The following MTPAP variants were observed in gnomAD, a reference collection of about 807,000 sequenced individuals.
The protein encoded by MTPAP is mitochondrial poly(A) polymerase.
In MTPAP, 23 loss-of-function variants were observed where a neutral mutation model predicts 48.7. The ratio of observed to expected loss-of-function variants is 0.47; its 90% CI spans 0.34 to 0.67. MTPAP has a LOEUF of 0.67. MTPAP is among the 30% of genes least tolerant of loss of function. MTPAP has a pLI of 0.01. For synonymous variants in MTPAP, 257 were observed against 254.1 expected (o/e 1.01, Z -0.11); for missense variants, 614 against 694.3 (o/e 0.88, Z 1.30).
chr10:30,328,717 CTACTGGGAACTGGT>C (rs1295093282), intron 4 of MTPAP, among the ~76,000 whole-genome samples: 1 of 152,098 alleles, frequency 6.6e-6, no homozygotes, highest in Non-Finnish European at 1.5e-5. Context: ...TTGGAGATCT[CTACTGGGAACTGGT>C]TACTGGGAAC....
chr10:30,321,424 A>T (rs1377638434), intron 6 of MTPAP, among the ~76,000 whole-genome samples: 1 of 152,202 alleles, frequency 6.6e-6, no homozygotes, highest in East Asian at 1.9e-4. Context: ...ACAGGAAGAG[A>T]TCACTTCTAA....
At position 30,311,740 on chromosome 10, in the gene MTPAP, C is replaced by G. The variant is rs1840595230; in HGVS notation, c.*1869G>C. On this transcript the variant is annotated 3_prime_UTR_variant, in exon 9 of 9. Transcript: ENST00000263063. ...AGTACAGTGCTGTGATCTCAGCTCA[C>G]TGCAGCCTCTGCCTCCCAGGTTCAA... The G allele has an allele frequency of 6.5e-6, 1 of 152,756 alleles. No individual in the cohort carries two copies. The highest frequency in any genetic ancestry group is 2.1e-4 in the South Asian group (1 of 4,842). The allele number at this position is 152,756 out of a possible 1,614,324, so 9.5% of individuals were successfully genotyped here.
intron 4 of MTPAP, among the ~76,000 whole-genome samples, chr10:30,332,241 G>GT (rs955250187): frequency 3.7e-4 from 56 of 152,286 alleles, no homozygotes; most frequent in African/African-American, 1.2e-3. Context: ...GCACATGTAT[G>GT]TTTATAACAA....
At chr10:30,327,499 AAAATAAATAAATAAATAAATAAAT>A (rs55642261) in intron 4 of MTPAP, among the ~76,000 whole-genome samples, 25 of 138,898 alleles carry the variant, frequency 1.8e-4, no homozygotes, top group Admixed American at 2.3e-4. Context: ...ACTCCATTTC[AAAATAAATAAATAAATAAATAAAT>A]AAATAAATAA....
chr10:30,349,115 T>A lies in MTPAP; in HGVS notation c.157+4A>T, dbSNP rs1420554378. 1.2e-6 allele frequency: 2 copies of A among 1,613,302 alleles called. No individual in the cohort carries two copies. The highest frequency in any genetic ancestry group is 1.7e-6 in the Non-Finnish European group (2 of 1,179,682). ...GGAACTACAGGGCAAACCGGCGCCA[T>A]CACCTGTCTCCACGCTCCCTGAAGG... On this transcript the variant is annotated splice_donor_region_variant and intron_variant, in intron 1 of 8. Transcript: ENST00000263063.
Position 30,312,361 on chromosome 10 carries a change from A to C in MTPAP, c.*1248T>G, listed in dbSNP as rs1477684979. On this transcript the variant is annotated 3_prime_UTR_variant, in exon 9 of 9. Coordinates refer to ENST00000263063, the MANE Select transcript of MTPAP (RefSeq NM_018109.4). ...TTTGGGAGGTTGAGGTGGGCTGATCACGAGGTCGGGAGATCGAGACCATGG... is the reference window on the plus strand; with the variant it reads ...TTTGGGAGGTTGAGGTGGGCTGATCCCGAGGTCGGGAGATCGAGACCATGG... 1 of 151,924 alleles carries C rather than the reference A, an allele frequency of 6.6e-6. No homozygotes were observed. The highest frequency in any genetic ancestry group is 6.6e-5 in the Admixed American group (1 of 15,222). 9.4% of individuals were successfully genotyped at this position (151,924 alleles called of 1,614,324 possible). A position where few individuals can be genotyped will look rare whatever the true frequency, so the allele number is the denominator to read the frequency against.
chr10:30,330,335 G>C (rs1001438486), intron 4 of MTPAP, among the ~76,000 whole-genome samples: 3 of 152,116 alleles, frequency 2.0e-5, no homozygotes, highest in Non-Finnish European at 2.9e-5. Flanking sequence ...ATTTATGTTA[G>C]GAATAGGAAT....
intron 3 of MTPAP, among the ~76,000 whole-genome samples, chr10:30,338,215 G>A (rs1190550055): frequency 1.3e-5 from 2 of 152,088 alleles, no homozygotes; most frequent in Non-Finnish European, 2.9e-5. Flanking sequence ...AGCTGAGATT[G>A]CACCACTGCA....
intron 1 of MTPAP, 171 bp downstream of exon 1, chr10:30,348,948 G>T: frequency 4.4e-6 from 4 of 898,902 alleles, no homozygotes; most frequent in Non-Finnish European, 6.8e-6. Flanking sequence ...CTCAGCAACG[G>T]CGGCGACCCT....
chr10:30,327,857 A>C (rs1466556992), intron 4 of MTPAP, among the ~76,000 whole-genome samples: 2 of 152,098 alleles, frequency 1.3e-5, no homozygotes, highest in Non-Finnish European at 2.9e-5. Context: ...AAAAAAAAAA[A>C]AAAACTGAAG....
rs755745150 is a variant in MTPAP, at chr10:30,337,027, T to G, written c.556A>C (p.Ile186Leu). The G allele has an allele frequency of 6.2e-6, 10 of 1,610,760 alleles. No individual in the cohort carries two copies. The highest frequency in any genetic ancestry group is 3.3e-5 in the Admixed American group (2 of 60,002). ...AAGAGAGTGTTCAGCTGATCGTCTATCTAGCTAGCCGAAACAAAACCAACA... is the reference window on the plus strand; with the variant it reads ...AAGAGAGTGTTCAGCTGATCGTCTAGCTAGCTAGCCGAAACAAAACCAACA... Reference protein sequence around the residue: ...LFELLCYAESIDDQLNTLLKE... With the variant: ...LFELLCYAESLDDQLNTLLKE... Residue 186 changes from isoleucine (I) to leucine (L), a missense_variant and splice_region_variant, in exon 4 of 9, where the codon ATA (isoleucine) becomes CTA (leucine). Ile to Leu is a conservative substitution (Grantham distance 5, BLOSUM62 2). Around this residue, in one of 5 missense-constraint regions of MTPAP, gnomAD observed 114 missense variants for 107.9 expected, o/e 1.06. Coordinates refer to ENST00000263063, the MANE Select transcript of MTPAP (RefSeq NM_018109.4).
At chr10:30,342,203 T>G (rs1017819233) in intron 1 of MTPAP, among the ~76,000 whole-genome samples, 9 of 152,116 alleles carry the variant, frequency 5.9e-5, no homozygotes, top group African/African-American at 2.2e-4. Context: ...ACCACTGCAC[T>G]CCATCCTGGG....
chr10:30,322,638 A>G (rs890583340), intron 5 of MTPAP, 21 bp from the exon 6 acceptor site: 3 of 1,536,930 alleles, frequency 2.0e-6, no homozygotes, highest in Non-Finnish European at 2.7e-6. Flanking sequence ...TAAAAATAAG[A>G]AAAATGTTCA....
chr10:30,343,740 G>C lies in MTPAP; in HGVS notation c.158-2100C>G, dbSNP rs1351354466. ...GCGCCACCACGCCCAGCTAATTTTTGTATGTTTAGTAGAGATGGGGTTTCA... is the reference window on the plus strand; with the variant it reads ...GCGCCACCACGCCCAGCTAATTTTTCTATGTTTAGTAGAGATGGGGTTTCA... On this transcript the variant is annotated intron_variant, in intron 1 of 8. Coordinates refer to ENST00000263063, the MANE Select transcript of MTPAP (RefSeq NM_018109.4). Among the ~76,000 whole-genome samples, 4 of 151,738 alleles carry C rather than the reference G, an allele frequency of 2.6e-5. No individual in the cohort carries two copies. The East Asian group carries it at 7.7e-4, about 29-fold the overall frequency.
At chr10:30,332,781 G>A (rs1345683210) in intron 4 of MTPAP, among the ~76,000 whole-genome samples, 1 of 151,448 alleles carries the variant, frequency 6.6e-6, no homozygotes, top group African/African-American at 2.4e-5. Context: ...CCAGGTGTTC[G>A]AGACTATCCT....
rs532722933 is a variant in MTPAP at position 30,345,570 on chromosome 10, G to A, written c.157+3549C>T. ...ACAACAGTAGGTTAAGAATGATGTA[G>A]ACACGATGACAAAGTTGTGAAGGCG... On this transcript the variant is annotated intron_variant, in intron 1 of 8. Coordinates refer to ENST00000263063, the MANE Select transcript of MTPAP (RefSeq NM_018109.4). Among the ~76,000 whole-genome samples, 21 of 152,300 alleles carry A rather than the reference G, an allele frequency of 1.4e-4. No homozygotes were observed. The South Asian group carries it at 4.3e-3, about 32-fold the overall frequency.
At position 30,340,210 on chromosome 10, in the gene MTPAP, A is replaced by G. The variant is rs2132867725; in HGVS notation, c.555+16T>C. 1 of 1,583,694 alleles carries G rather than the reference A, an allele frequency of 6.3e-7. No homozygotes were observed. The highest frequency in any genetic ancestry group is 1.3e-5 in the African/African-American group (1 of 74,388). ...AATACATAGTTCTAAAAGTTGAGGT[A>G]CACCTAAAAACTTACACTTTCTGCA... On this transcript the variant is annotated intron_variant, in intron 3 of 8. Transcript: ENST00000263063.
chr10:30,317,340 A>C (rs1246685057), intron 6 of MTPAP, among the ~76,000 whole-genome samples: 1 of 152,200 alleles, frequency 6.6e-6, no homozygotes, highest in Non-Finnish European at 1.5e-5. Flanking sequence ...ATCTTCATAC[A>C]CGACACAAAC....
chr10:30,324,166 A>G (rs1385160279), intron 5 of MTPAP, among the ~76,000 whole-genome samples: 1 of 152,134 alleles, frequency 6.6e-6, no homozygotes, highest in Admixed American at 6.5e-5. Flanking sequence ...TTGGCGACAG[A>G]GTAAGGCATC....
Sources: allele counts gnomAD v4.1 joint callset (sites outside exome capture counted in the v4.1 genomes callset), GRCh38; gene constraint gnomAD v4.1.1; regional missense constraint gnomAD v4.1.1; transcripts MANE v1.5; gene names NCBI Gene and HGNC (gene_info 2026-07-23, HGNC 2026-07-21).